The following MAPK10 variants were observed in gnomAD, a reference collection of about 807,000 sequenced individuals.
MAPK10 encodes the protein mitogen-activated protein kinase 10.
In MAPK10, 25 loss-of-function variants were observed where a neutral mutation model predicts 59.3. The ratio of observed to expected loss-of-function variants is 0.42; its 90% CI spans 0.31 to 0.59. MAPK10 has a LOEUF of 0.59. Ranked by LOEUF, MAPK10 falls within the 20% of genes least tolerant of loss-of-function variation. MAPK10 has a pLI of 0.15. For missense variants in MAPK10, 351 were observed against 568.9 expected (o/e 0.62, Z 3.90); for synonymous variants, 190 against 200.5 (o/e 0.95, Z 0.44).
intron 4 of MAPK10, chr4:86,117,782 T>C (rs1018154590): frequency 1.3e-5 from 2 of 152,214 alleles, no homozygotes; most frequent in Non-Finnish European, 2.9e-5. Flanking sequence ...ATTCTCTAGA[T>C]TCCTGGTTAA....
intron 11 of MAPK10, among the ~76,000 whole-genome samples, chr4:86,057,080 C>T (rs1223314223): frequency 2.7e-5 from 4 of 149,014 alleles, no homozygotes. Context: ...TCTCCTGCCT[C>T]AGCCTTCCCA....
At chr4:86,514,390 T>TTTTTCCTTTAAAAATCTTTG (rs1457399355) in intron 1 of MAPK10, among the ~76,000 whole-genome samples, 1 of 152,204 alleles carries the variant, frequency 6.6e-6, no homozygotes, top group African/African-American at 2.4e-5. Flanking sequence ...ACAATTGTCA[T>TTTTTCCTTTAAAAATCTTTG]TTTTCCTTTA....
intron 1 of MAPK10, among the ~76,000 whole-genome samples, chr4:86,410,091 T>C (rs1434768602): frequency 2.0e-5 from 3 of 152,234 alleles, no homozygotes; most frequent in Non-Finnish European, 4.4e-5. Flanking sequence ...ACCTAGTTTA[T>C]TGAGAGTTTT....
At chr4:86,345,831 T>C (rs998470893) in intron 2 of MAPK10, among the ~76,000 whole-genome samples, 1 of 152,220 alleles carries the variant, frequency 6.6e-6, no homozygotes, top group South Asian at 2.1e-4. Flanking sequence ...TAATGCACCA[T>C]ATTTATTCAA....
intron 2 of MAPK10, among the ~76,000 whole-genome samples, chr4:86,282,260 G>A (rs1004229811): frequency 2.0e-5 from 3 of 152,140 alleles, no homozygotes; most frequent in Admixed American, 1.3e-4. Context: ...TCTCCACAAT[G>A]TTTTGTGAAT....
At chr4:86,271,757 A>C (rs902662698) in intron 2 of MAPK10, among the ~76,000 whole-genome samples, 3 of 151,954 alleles carry the variant, frequency 2.0e-5, no homozygotes, top group African/African-American at 7.2e-5. Context: ...TTCCAAGCAA[A>C]AGGGGGGAAA....
At position 86,200,415 on chromosome 4, in the gene MAPK10, G is replaced by C. The variant is rs766875029; in HGVS notation, c.-6-6008C>G. 7.4e-4 allele frequency among the ~76,000 whole-genome samples: 113 copies of C among 152,070 alleles called. 2 individuals are homozygous for C. Among genetic ancestry groups the C allele is most frequent in the Admixed American group, 4.6e-3 (70 of 15,228 alleles). ...GAACTAATGTAAATGAAATTACACA[G>C]TATGTATTCTGTTTTATTGGGCTCT... On this transcript the variant is annotated intron_variant, in intron 2 of 13. Coordinates refer to ENST00000641462, the MANE Select transcript of MAPK10 (RefSeq NM_138982.4).
At position 86,243,939 on chromosome 4, in the gene MAPK10, G is replaced by C. The variant is rs138245712; in HGVS notation, c.-6-49532C>G. On this transcript the variant is annotated intron_variant, in intron 2 of 13. Transcript: ENST00000641462. Reference sequence around the variant, plus strand: ...AGGAACCTTGTTAAAATGTCAGATTGTGACTCTTTACTAGTCAAAACCATT... The same window carrying C: ...AGGAACCTTGTTAAAATGTCAGATTCTGACTCTTTACTAGTCAAAACCATT... Among the ~76,000 whole-genome samples, 677 of 152,286 alleles carry C rather than the reference G, an allele frequency of 4.4e-3. 4 individuals are homozygous for C. Among genetic ancestry groups the C allele is most frequent in the Non-Finnish European group, 8.2e-3 (559 of 68,032 alleles).
intron 3 of MAPK10, among the ~76,000 whole-genome samples, chr4:86,168,729 C>G (rs866008855): frequency 6.6e-6 from 1 of 152,142 alleles, no homozygotes; most frequent in Non-Finnish European, 1.5e-5. Flanking sequence ...CAGCACACAG[C>G]TGGAGATCTG....
At chr4:86,301,128 G>T (rs942336892) in intron 2 of MAPK10, among the ~76,000 whole-genome samples, 1 of 152,064 alleles carries the variant, frequency 6.6e-6, no homozygotes, top group Admixed American at 6.5e-5. Context: ...GAGGCTGGTA[G>T]CACTCTCTGC....
At chr4:86,367,647 ATTTGTTTTTTTT>A (rs1738115409) in intron 1 of MAPK10, among the ~76,000 whole-genome samples, 1 of 151,074 alleles carries the variant, frequency 6.6e-6, no homozygotes, top group Non-Finnish European at 1.5e-5. Context: ...TGTAGCAAGC[ATTTGTTTTTTTT>A]TTTGTTTTGT....
At chr4:86,207,353 T>C (rs1345476254) in intron 2 of MAPK10, among the ~76,000 whole-genome samples, 4 of 151,910 alleles carry the variant, frequency 2.6e-5, no homozygotes, top group African/African-American at 7.3e-5. Context: ...GATCAGATAG[T>C]TGTAGATAGG....
intron 3 of MAPK10, chr4:86,160,387 A>C (rs1317125365): frequency 1.3e-5 from 2 of 151,792 alleles, no homozygotes; most frequent in Non-Finnish European, 2.9e-5. Flanking sequence ...CCCAGCAGTC[A>C]CCCTTCTTGC....
chr4:86,080,225 T>C (rs930813477), intron 9 of MAPK10: 4 of 151,714 alleles, frequency 2.6e-5, no homozygotes, highest in African/African-American at 9.7e-5. Flanking sequence ...AAGGTTGGAA[T>C]CTAGGAAACA....
At chr4:86,027,303 A>T (rs923214976) in intron 13 of MAPK10, 1 of 152,210 alleles carries the variant, frequency 6.6e-6, no homozygotes, top group Non-Finnish European at 1.5e-5. Flanking sequence ...AGGTAGTTGG[A>T]ATGGTTAAAA....
At chr4:86,164,669 G>C (rs550840273) in intron 3 of MAPK10, 37 of 152,034 alleles carry the variant, frequency 2.4e-4, no homozygotes, top group Admixed American at 1.4e-3. Context: ...TAACACAAGG[G>C]AAGAAAGAAA....
At position 86,103,241 on chromosome 4, in the gene MAPK10, T is replaced by C; in HGVS notation, c.370A>G (p.Ile124Val). Residue 124 changes from isoleucine (I) to valine (V), a missense_variant, in exon 6 of 14, where the codon ATT (isoleucine) becomes GTT (valine). Physicochemically the swap from Ile to Val is conservative, Grantham distance 29. Around this residue, in one of 5 missense-constraint regions of MAPK10, gnomAD observed 51 missense variants for 72.7 expected, o/e 0.70. Transcript: ENST00000641462. ...LMKCVNHKNI[I>V]SLLNVFTPQK... ...GGTGTGAAGACATTTAATAAACTAA[T>C]AATCTGAAAGAGAGTGGAAGGGACA... is the stretch of plus-strand genomic sequence containing the variant. 1 of 1,556,720 alleles carries C rather than the reference T, an allele frequency of 6.4e-7. No individual in the cohort carries two copies. Among genetic ancestry groups the C allele is most frequent in the Non-Finnish European group, 8.9e-7 (1 of 1,127,660 alleles).
intron 2 of MAPK10, among the ~76,000 whole-genome samples, chr4:86,266,914 G>A (rs2094262263): frequency 6.6e-6 from 1 of 151,868 alleles, no homozygotes; most frequent in Non-Finnish European, 1.5e-5. Context: ...ATATAGATAT[G>A]TATTTATGTA....
rs145403777 is a variant in MAPK10, at chr4:86,141,041, C to A, written c.236+18257G>T. 4.5e-3 allele frequency among the ~76,000 whole-genome samples: 684 copies of A among 152,262 alleles called. 16 individuals carry two copies. Among genetic ancestry groups the A allele is most frequent in the Admixed American group, 0.032 (495 of 15,286 alleles). On this transcript the variant is annotated intron_variant, in intron 4 of 13. Transcript: ENST00000641462. ...TTAATCATTGAACCAATACCCAATA[C>A]CCTCATTTTATTTAGACATGAGGAA...
Sources: allele counts gnomAD v4.1 joint callset (sites outside exome capture counted in the v4.1 genomes callset), GRCh38; gene constraint gnomAD v4.1.1; regional missense constraint gnomAD v4.1.1; transcripts MANE v1.5; gene names NCBI Gene and HGNC (gene_info 2026-07-23, HGNC 2026-07-21).